Variants in RANBP2 observed in about 807,000 individuals in gnomAD.
RANBP2 encodes RAN binding protein 2, also known as E3 SUMO-protein ligase RanBP2.
In RANBP2, 57 loss-of-function variants were observed where a neutral mutation model predicts 303.6. The observed-to-expected ratio is 0.19, with a 90% CI of 0.15 to 0.23. The LOEUF is 0.23. RANBP2 is among the 10% of genes least tolerant of loss of function. The pLI is 1.00. For synonymous variants in RANBP2, 1,167 were observed against 1,301.5 expected (o/e 0.90, Z 2.23); for missense variants, 3,138 against 3,780.8 (o/e 0.83, Z 4.46).
At chr2:108,886,672 A>C in the RANBP2 span, among the ~76,000 whole-genome samples, 2 of 151,800 alleles carry the variant, frequency 1.3e-5, no homozygotes, top group Non-Finnish European at 1.5e-5. Flanking sequence ...TCGGCCTCCC[A>C]AAGTGCTGGG....
chr2:109,465,803 A>G, the RANBP2 span, among the ~76,000 whole-genome samples: 2 of 152,094 alleles, frequency 1.3e-5, no homozygotes, highest in Non-Finnish European at 2.9e-5. Flanking sequence ...AGGAGGTGCT[A>G]TACACCTTTA....
At chr2:108,909,706 C>G in the RANBP2 span, among the ~76,000 whole-genome samples, 2 of 152,216 alleles carry the variant, frequency 1.3e-5, no homozygotes, top group African/African-American at 2.4e-5. Context: ...AAATGACCAT[C>G]CCACTGGATG....
chr2:109,475,373 C>T, the RANBP2 span, among the ~76,000 whole-genome samples: 12 of 152,346 alleles, frequency 7.9e-5, no homozygotes, highest in Admixed American at 2.6e-4. Flanking sequence ...AGCAAACCCA[C>T]GCAAAGTGGC....
At chr2:108,930,329 G>T in the RANBP2 span, 1 of 1,568,724 alleles carries the variant, frequency 6.4e-7, no homozygotes. Flanking sequence ...ACATAGGAAG[G>T]GGGTGCCCTG....
chr2:108,749,883 C>G (rs1675717889), intron 9 of RANBP2, among the ~76,000 whole-genome samples: 1 of 152,150 alleles, frequency 6.6e-6, no homozygotes, highest in African/African-American at 2.4e-5. Flanking sequence ...GGCACAGTGG[C>G]TCATATCTGT....
the RANBP2 span, among the ~76,000 whole-genome samples, chr2:109,082,695 G>A: frequency 6.6e-6 from 1 of 152,174 alleles, no homozygotes; most frequent in Non-Finnish European, 1.5e-5. Flanking sequence ...TATGCCTATG[G>A]TCCCAGGTAC....
chr2:108,840,485 T>G, the RANBP2 span, among the ~76,000 whole-genome samples: 5 of 152,186 alleles, frequency 3.3e-5, no homozygotes, highest in Admixed American at 2.0e-4. Context: ...GGTTTTAAAT[T>G]ATGAATTTAA....
At chr2:109,029,596 T>A in the RANBP2 span, among the ~76,000 whole-genome samples, 1 of 152,208 alleles carries the variant, frequency 6.6e-6, no homozygotes, top group African/African-American at 2.4e-5. Context: ...GGGCAAACTT[T>A]ACAGCATCAG....
the RANBP2 span, among the ~76,000 whole-genome samples, chr2:109,265,434 C>T: frequency 6.6e-6 from 1 of 152,224 alleles, no homozygotes; most frequent in Non-Finnish European, 1.5e-5. Context: ...AAATAAGCCC[C>T]ACCCTGACAG....
chr2:108,796,484 A>G, the RANBP2 span, among the ~76,000 whole-genome samples: 1 of 152,194 alleles, frequency 6.6e-6, no homozygotes, highest in Non-Finnish European at 1.5e-5. Context: ...TCCTGGGTAT[A>G]TCCCCGAAAA....
chr2:108,844,957 A>G, the RANBP2 span, among the ~76,000 whole-genome samples: 1 of 152,110 alleles, frequency 6.6e-6, no homozygotes, highest in Admixed American at 6.5e-5. Flanking sequence ...CATGTTGGCC[A>G]GAATGGTCTT....
chr2:109,639,598 A>G, the RANBP2 span, among the ~76,000 whole-genome samples: 1 of 152,068 alleles, frequency 6.6e-6, no homozygotes, highest in Admixed American at 6.6e-5. Context: ...CAGCCTGGCA[A>G]CAGAGTGAGA....
chr2:109,726,061 GT>G, the RANBP2 span, among the ~76,000 whole-genome samples: 247 of 122,798 alleles, frequency 2.0e-3, 1 homozygote, highest in Non-Finnish European at 3.0e-3. Context: ...TGCTTTTGGT[GT>G]GTGTGTGTGT....
chr2:108,788,112 T>G, downstream of RANBP2: 1 of 1,601,874 alleles, frequency 6.2e-7, no homozygotes, highest in African/African-American at 1.4e-5. Context: ...TTTGTATATT[T>G]GGGGGTTTCA....
the RANBP2 span, among the ~76,000 whole-genome samples, chr2:109,718,373 T>C: frequency 6.6e-6 from 1 of 152,216 alleles, no homozygotes; most frequent in Non-Finnish European, 1.5e-5. Flanking sequence ...CAATGGCGTA[T>C]TACTCAGCCA....
chr2:109,614,753 C>G, the RANBP2 span: 16 of 1,481,860 alleles, frequency 1.1e-5, no homozygotes, highest in Admixed American at 2.3e-5. Flanking sequence ...AAGGGCCGTC[C>G]GAGCCCTCCG....
chr2:109,278,912 G>C, the RANBP2 span, among the ~76,000 whole-genome samples: 2 of 152,208 alleles, frequency 1.3e-5, no homozygotes, highest in Non-Finnish European at 2.9e-5. Context: ...CTGGGCAGTA[G>C]TACACCCGAG....
the RANBP2 span, among the ~76,000 whole-genome samples, chr2:108,950,238 T>TCCTC: frequency 2.5e-4 from 22 of 88,768 alleles, no homozygotes; most frequent in Non-Finnish European, 4.5e-4. Context: ...CCTCCCTCCC[T>TCCTC]CCTCCCTCCC....
chr2:108,851,505 T>C, the RANBP2 span, among the ~76,000 whole-genome samples: 1 of 152,184 alleles, frequency 6.6e-6, no homozygotes, highest in Non-Finnish European at 1.5e-5. Context: ...TTTCACCACA[T>C]TGGCCAGGCT....
Sources: allele counts gnomAD v4.1 joint callset (sites outside exome capture counted in the v4.1 genomes callset), GRCh38; gene constraint gnomAD v4.1.1; transcripts MANE v1.5; gene names NCBI Gene and HGNC (gene_info 2026-07-23, HGNC 2026-07-21).